The following FSD2 variants were observed in gnomAD, a reference collection of about 807,000 sequenced individuals.
FSD2 encodes fibronectin type III and SPRY domain-containing protein 2.
FSD2 carries 71 observed loss-of-function variants against 80.4 expected under a neutral mutation model. That is an observed-to-expected ratio of 0.88 (90% CI 0.73 to 1.08). FSD2 has a LOEUF of 1.08. FSD2 is among the 50% of genes least tolerant of loss of function. The probability of loss-of-function intolerance (pLI) is 0.00; values close to 1 mark genes in which losing one functional copy is unlikely to be tolerated. For synonymous variants in FSD2, 361 were observed against 329.5 expected (o/e 1.10, Z -1.03); for missense variants, 923 against 913.8 (o/e 1.01, Z -0.13).
chr15:82,773,067 G>A (rs1448326883), intron 6 of FSD2, among the ~76,000 whole-genome samples: 3 of 152,150 alleles, frequency 2.0e-5, no homozygotes, highest in East Asian at 3.9e-4. Context: ...CGCTGGTCTC[G>A]AACTCCTGAT....
At chr15:82,772,565 T>C (rs1220803473) in intron 6 of FSD2, among the ~76,000 whole-genome samples, 1 of 152,152 alleles carries the variant, frequency 6.6e-6, no homozygotes, top group African/African-American at 2.4e-5. Flanking sequence ...ACAACCGGGA[T>C]CACAGCACTG....
Position 82,772,107 on chromosome 15 carries a change from T to C in FSD2, c.1233A>G (p.Pro411=). The stretch of plus-strand genomic sequence containing the variant: ...CCGTCCCAGGTGAGCTGTCCTGCAC[T>C]GGCCGGTAGGACAGCTGATAGCTCT... ...TVESYQLSYR[P]VQDSSPGTDQ... Residue 411 remains proline, a synonymous_variant, in exon 7 of 13, where the codon CCA becomes CCG. Coordinates refer to ENST00000334574, the MANE Select transcript of FSD2 (RefSeq NM_001007122.4). 1 of 1,603,162 alleles carries C rather than the reference T, an allele frequency of 6.2e-7. No individual in the cohort carries two copies. The highest frequency in any genetic ancestry group is 1.1e-5 in the South Asian group (1 of 89,024).
intron 6 of FSD2, among the ~76,000 whole-genome samples, chr15:82,778,158 A>ATATATATATATAT (rs1482215584): frequency 1.4e-3 from 176 of 128,850 alleles, no homozygotes; most frequent in African/African-American, 3.0e-3. Context: ...ATATATATAT[A>ATATATATATATAT]ATAACTATTA....
chr15:82,764,275 G>C (rs1037865473), intron 11 of FSD2, among the ~76,000 whole-genome samples: 1 of 152,228 alleles, frequency 6.6e-6, no homozygotes, highest in East Asian at 1.9e-4. Flanking sequence ...CATTTGCATA[G>C]GGTGTACACC....
intron 6 of FSD2, among the ~76,000 whole-genome samples, chr15:82,775,266 C>T (rs1234283492): frequency 1.3e-5 from 2 of 151,562 alleles, no homozygotes; most frequent in Admixed American, 6.6e-5. Context: ...GGCATGGTAG[C>T]GGGTGCCTGT....
Position 82,765,749 on chromosome 15 carries a change from G to T in FSD2, c.1687+149C>A, listed in dbSNP as rs8033726. 7 of 901,666 alleles carry T rather than the reference G, an allele frequency of 7.8e-6. No homozygotes were observed. The South Asian group carries it at 1.5e-4, about 19-fold the overall frequency. The allele number at this position is 901,666 out of a possible 1,614,324, so 55.9% of individuals were successfully genotyped here. A position where few individuals can be genotyped will look rare whatever the true frequency, so the allele number is the denominator to read the frequency against. Reference sequence around the variant, plus strand: ...ATTTGACTTGCAATTAGGGCAGTATGGGACACCCCTGAACTCCTTCTGGCC... The same window carrying T: ...ATTTGACTTGCAATTAGGGCAGTATTGGACACCCCTGAACTCCTTCTGGCC... On this transcript the variant is annotated intron_variant, in intron 10 of 12. Transcript: ENST00000334574.
intron 6 of FSD2, among the ~76,000 whole-genome samples, chr15:82,775,461 G>A (rs2049693836): frequency 1.3e-5 from 2 of 151,816 alleles, no homozygotes; most frequent in African/African-American, 4.8e-5. Flanking sequence ...TTTTCAGTTT[G>A]GATGCCTTTC....
chr15:82,759,649 A>T, intron 12 of FSD2, 49 bp from the exon 13 acceptor site: 4 of 1,394,706 alleles, frequency 2.9e-6, no homozygotes, highest in Non-Finnish European at 2.9e-6. Context: ...CTATAGATTG[A>T]CTATTTATAG....
rs1468978489 is a variant in FSD2 at position 82,787,275 on chromosome 15, T to G, written c.116A>C (p.Glu39Ala). The G allele has an allele frequency of 1.2e-6, 2 of 1,613,926 alleles. No individual in the cohort carries two copies. The highest frequency in any genetic ancestry group is 2.2e-5 in the South Asian group (2 of 91,080). ...SEDRLHLFPE[E>A]NTRMRKVVQA... ...GACTACTTTCCTCATCCTAGTGTTC[T>G]CTTCTGGAAAGAGGTGCAGTCTGTC... Residue 39 changes from glutamate (E) to alanine (A), a missense_variant, in exon 2 of 13, where the codon GAG becomes GCG. Transcript: ENST00000334574.
chr15:82,804,241 A>C (rs565622018), intron 1 of FSD2, among the ~76,000 whole-genome samples: 1 of 152,100 alleles, frequency 6.6e-6, no homozygotes, highest in African/African-American at 2.4e-5. Context: ...AACCACGCAC[A>C]GACATCAGCT....
chr15:82,759,231 A>G lies in FSD2; in HGVS notation c.*117T>C, dbSNP rs975672240. 1 of 1,113,710 alleles carries G rather than the reference A, an allele frequency of 9.0e-7. No homozygotes were observed. Among genetic ancestry groups the G allele is most frequent in the Non-Finnish European group, 1.3e-6 (1 of 796,756 alleles). 69.0% of individuals were successfully genotyped at this position (1,113,710 alleles called of 1,614,324 possible). ...GCTAGCACACCAGTCAGATAATAGCATGAGCCATAAATTGTGCTGGGCACA... is the reference window on the plus strand; with the variant it reads ...GCTAGCACACCAGTCAGATAATAGCGTGAGCCATAAATTGTGCTGGGCACA... On this transcript the variant is annotated 3_prime_UTR_variant, in exon 13 of 13. Coordinates refer to ENST00000334574, the MANE Select transcript of FSD2 (RefSeq NM_001007122.4).
intron 9 of FSD2, among the ~76,000 whole-genome samples, chr15:82,767,752 G>A (rs1325333557): frequency 2.6e-5 from 4 of 152,186 alleles, no homozygotes; most frequent in African/African-American, 9.7e-5. Flanking sequence ...GTCAGCCTCT[G>A]TGTGGCCATG....
chr15:82,781,506 T>A (rs1024981014), intron 4 of FSD2, among the ~76,000 whole-genome samples: 1 of 152,070 alleles, frequency 6.6e-6, no homozygotes, highest in Non-Finnish European at 1.5e-5. Context: ...GGACACCACA[T>A]CTTCCCCCTC....
chr15:82,774,719 C>T (rs1314385586), intron 6 of FSD2, among the ~76,000 whole-genome samples: 3 of 145,168 alleles, frequency 2.1e-5, no homozygotes, highest in South Asian at 2.2e-4. Flanking sequence ...TTTCTAAATC[C>T]TTTTTTTTTT....
rs771172053 is a variant in FSD2 at position 82,801,993 on chromosome 15, G to A, written c.-79+3973C>T. Among the ~76,000 whole-genome samples the A allele has an allele frequency of 1.3e-3, 205 of 152,252 alleles. 2 individuals carry two copies. The highest frequency in any genetic ancestry group is 2.8e-3 in the Admixed American group (43 of 15,294). On this transcript the variant is annotated intron_variant, in intron 1 of 12. Coordinates refer to ENST00000334574, the MANE Select transcript of FSD2 (RefSeq NM_001007122.4). Reference sequence around the variant, plus strand: ...TTCCAGGCACCAGGGCCAGTGTTTTGCCTCCACAGCCAGTGTTTTGCCTTC... The same window carrying A: ...TTCCAGGCACCAGGGCCAGTGTTTTACCTCCACAGCCAGTGTTTTGCCTTC...
chr15:82,782,104 T>TAATAATAATAATAATCATAATAAA lies in FSD2; in HGVS notation c.966+690_966+691insTTTATTATGATTATTATTATTATT, dbSNP rs749972634. ...ATAATAATAATAATAATAATAATAA[T>TAATAATAATAATAATCATAATAAA]AAAACTCTTGGCCGGGCATGGTGGC... On this transcript the variant is annotated intron_variant, in intron 4 of 12. Coordinates refer to ENST00000334574, the MANE Select transcript of FSD2 (RefSeq NM_001007122.4). 7.6e-5 allele frequency among the ~76,000 whole-genome samples: 9 copies of TAATAATAATAATAATCATAATAAA among 118,906 alleles called. No homozygotes were observed. In the Admixed American group the frequency reaches 7.9e-4, roughly 10 times the overall value. 78.0% of individuals were successfully genotyped at this position (118,906 alleles called of 152,430 possible). A position where few individuals can be genotyped will look rare whatever the true frequency, so the allele number is the denominator to read the frequency against.
chr15:82,767,987 G>A (rs1024646094), intron 9 of FSD2, among the ~76,000 whole-genome samples: 1 of 152,126 alleles, frequency 6.6e-6, no homozygotes, highest in African/African-American at 2.4e-5. Context: ...ACAAACTTCT[G>A]TAAACCAGAG....
chr15:82,791,655 A>C (rs546270666), intron 1 of FSD2, among the ~76,000 whole-genome samples: 68 of 152,254 alleles, frequency 4.5e-4, no homozygotes, highest in African/African-American at 1.6e-3. Context: ...TACAGGAGTG[A>C]GCCACTGCGC....
chr15:82,770,734 G>C (rs1418245193), intron 7 of FSD2, among the ~76,000 whole-genome samples: 1 of 148,066 alleles, frequency 6.8e-6, no homozygotes, highest in East Asian at 2.0e-4. Flanking sequence ...GTTGTAGGGG[G>C]TGGGGAGGGG....
Sources: allele counts gnomAD v4.1 joint callset (sites outside exome capture counted in the v4.1 genomes callset), GRCh38; gene constraint gnomAD v4.1.1; transcripts MANE v1.5; gene names NCBI Gene and HGNC (gene_info 2026-07-23, HGNC 2026-07-21).